Variants in CDH12 observed in about 807,000 individuals in gnomAD.
The protein encoded by CDH12 is cadherin-12.
Under a neutral mutation model 74.1 loss-of-function variants are expected in CDH12, and 41 were observed. The observed-to-expected ratio is 0.55, with a 90% CI of 0.43 to 0.72. CDH12 has a LOEUF of 0.72. Ranked by LOEUF, CDH12 falls within the 30% of genes least tolerant of loss-of-function variation. CDH12 has a pLI of 0.00. For synonymous variants in CDH12, 399 were observed against 355.0 expected (o/e 1.12, Z -1.39); for missense variants, 945 against 977.2 (o/e 0.97, Z 0.44).
intron 4 of CDH12, among the ~76,000 whole-genome samples, chr5:22,126,873 G>A (rs7701707): frequency 0.014 from 2,079 of 152,188 alleles, 51 homozygotes; most frequent in African/African-American, 0.047. Flanking sequence ...CCCCAATGGC[G>A]TATAAAAAGG....
intron 1 of CDH12, among the ~76,000 whole-genome samples, chr5:22,745,439 AT>A (rs1180868918): frequency 6.6e-6 from 1 of 152,216 alleles, no homozygotes; most frequent in Admixed American, 6.5e-5. Flanking sequence ...AGGAATATAA[AT>A]CATTCTATTT....
chr5:22,694,153 T>A (rs1742230117), intron 1 of CDH12, among the ~76,000 whole-genome samples: 1 of 152,168 alleles, frequency 6.6e-6, no homozygotes, highest in Non-Finnish European at 1.5e-5. Flanking sequence ...TTGCCCAGGC[T>A]GACCTCTTTC....
intron 1 of CDH12, among the ~76,000 whole-genome samples, chr5:22,828,388 G>A (rs1736434324): frequency 6.6e-6 from 1 of 152,082 alleles, no homozygotes; most frequent in Non-Finnish European, 1.5e-5. Context: ...AAAAAAATTT[G>A]ATAGGCATTA....
intron 1 of CDH12, among the ~76,000 whole-genome samples, chr5:22,650,575 T>C (rs1739683938): frequency 6.6e-6 from 1 of 152,072 alleles, no homozygotes; most frequent in Non-Finnish European, 1.5e-5. Context: ...ATAATTGCTG[T>C]AGGCATTTAG....
intron 1 of CDH12, among the ~76,000 whole-genome samples, chr5:22,582,022 T>G (rs1394928470): frequency 2.0e-5 from 3 of 152,082 alleles, no homozygotes; most frequent in African/African-American, 4.8e-5. Context: ...AGGGTAGAGG[T>G]AGTATGTATG....
intron 4 of CDH12, among the ~76,000 whole-genome samples, chr5:22,084,540 A>T (rs1410104331): frequency 6.6e-6 from 1 of 152,192 alleles, no homozygotes; most frequent in Non-Finnish European, 1.5e-5. Context: ...AAATATGACT[A>T]AGTAAATATT....
intron 4 of CDH12, among the ~76,000 whole-genome samples, chr5:22,159,059 ATAGTTT>A (rs1467259310): frequency 6.6e-6 from 1 of 152,140 alleles, no homozygotes; most frequent in Non-Finnish European, 1.5e-5. Flanking sequence ...GAAAAGGTCC[ATAGTTT>A]TAGCAGAGTA....
At chr5:21,797,738 C>T (rs1471673331) in intron 10 of CDH12, among the ~76,000 whole-genome samples, 1 of 152,108 alleles carries the variant, frequency 6.6e-6, no homozygotes, top group African/African-American at 2.4e-5. Flanking sequence ...TTCTCTGTTC[C>T]TCACACCAGG....
chr5:22,253,457 C>A (rs7379108), intron 3 of CDH12, among the ~76,000 whole-genome samples: 1 of 151,910 alleles, frequency 6.6e-6, no homozygotes, highest in Admixed American at 6.6e-5. Flanking sequence ...ATTGAAATTA[C>A]TGTCATTTAA....
chr5:22,101,177 T>A (rs1217189814), intron 4 of CDH12, among the ~76,000 whole-genome samples: 1 of 152,060 alleles, frequency 6.6e-6, no homozygotes, highest in African/African-American at 2.4e-5. Context: ...ATTGGGTGCC[T>A]CATATTATCT....
chr5:22,578,332 C>A (rs952309874), intron 1 of CDH12, among the ~76,000 whole-genome samples: 4 of 150,448 alleles, frequency 2.7e-5, no homozygotes, highest in Admixed American at 6.6e-5. Flanking sequence ...TCTGTAATAT[C>A]TTTTCCTAAA....
chr5:21,913,339 T>G (rs1753946788), intron 6 of CDH12, among the ~76,000 whole-genome samples: 1 of 152,212 alleles, frequency 6.6e-6, no homozygotes, highest in African/African-American at 2.4e-5. Context: ...ATCACAATTT[T>G]TTTTAATTAA....
intron 10 of CDH12, among the ~76,000 whole-genome samples, chr5:21,790,101 A>G (rs10072492): frequency 0.022 from 3,347 of 151,908 alleles, 114 homozygotes; most frequent in African/African-American, 0.075. Flanking sequence ...GGCCCAGAAA[A>G]CTCCTCAAGA....
intron 4 of CDH12, among the ~76,000 whole-genome samples, chr5:22,190,487 GTTTTC>G (rs2080810641): frequency 6.6e-6 from 1 of 151,720 alleles, no homozygotes; most frequent in Admixed American, 6.6e-5. Context: ...TAAAATGAGT[GTTTTC>G]TTTCCTTTTT....
intron 5 of CDH12, among the ~76,000 whole-genome samples, chr5:21,991,150 T>C (rs1757731681): frequency 6.6e-6 from 1 of 151,820 alleles, no homozygotes; most frequent in South Asian, 2.1e-4. Flanking sequence ...TTGTACTAGG[T>C]ACTAGAAAAC....
chr5:22,409,511 A>C (rs1476678280), intron 2 of CDH12, among the ~76,000 whole-genome samples: 1 of 152,034 alleles, frequency 6.6e-6, no homozygotes, highest in Non-Finnish European at 1.5e-5. Context: ...GGAATACCAT[A>C]TTATATTGAT....
chr5:21,841,336 A>G (rs1016724199), intron 8 of CDH12, among the ~76,000 whole-genome samples: 2 of 152,072 alleles, frequency 1.3e-5, no homozygotes, highest in Admixed American at 6.6e-5. Flanking sequence ...TAGAATGGCA[A>G]TCATTAAAAA....
At chr5:22,740,553 T>A (rs1383741357) in intron 1 of CDH12, among the ~76,000 whole-genome samples, 1 of 152,104 alleles carries the variant, frequency 6.6e-6, no homozygotes, top group Non-Finnish European at 1.5e-5. Flanking sequence ...AATGTGTGTT[T>A]CAAGACAACT....
intron 6 of CDH12, among the ~76,000 whole-genome samples, chr5:21,905,561 T>C (rs1207928538): frequency 6.6e-6 from 1 of 152,230 alleles, no homozygotes; most frequent in Non-Finnish European, 1.5e-5. Flanking sequence ...TACCAGGCTC[T>C]GGCCACCTAT....
Sources: gnomAD v4.1 joint callset for allele counts (sites outside exome capture counted in the v4.1 genomes callset) on GRCh38, gnomAD v4.1.1 for gene constraint, MANE v1.5 for transcripts, NCBI Gene and HGNC (gene_info 2026-07-23, HGNC 2026-07-21) for gene names.